The following TOP3A variants were observed in gnomAD, a reference collection of about 807,000 sequenced individuals.
TOP3A encodes the protein DNA topoisomerase III alpha.
Under a neutral mutation model 111.3 loss-of-function variants are expected in TOP3A, and 64 were observed. The ratio of observed to expected loss-of-function variants is 0.57; its 90% CI spans 0.47 to 0.71. The LOEUF (loss-of-function observed/expected upper bound fraction) is 0.71. Ranked by LOEUF, TOP3A falls within the 30% of genes least tolerant of loss-of-function variation. The probability of loss-of-function intolerance (pLI) is 0.00; values close to 1 mark genes in which losing one functional copy is unlikely to be tolerated. For missense variants in TOP3A, 1,104 were observed against 1,285.0 expected (o/e 0.86, Z 2.15); for synonymous variants, 484 against 485.1 (o/e 1.00, Z 0.03).
chr17:18,290,779 C>G (rs748524156), intron 12 of TOP3A, 63 bp downstream of exon 12: 6 of 1,594,304 alleles, frequency 3.8e-6, no homozygotes, highest in Non-Finnish European at 5.1e-6. Flanking sequence ...TCCTGCTCCA[C>G]TAGAGAACTC....
chr17:18,305,098 G>C lies in TOP3A; in HGVS notation c.499+14C>G. The C allele has an allele frequency of 6.2e-7, 1 of 1,603,540 alleles. No homozygotes were observed. Among genetic ancestry groups the C allele is most frequent in the Non-Finnish European group, 8.5e-7 (1 of 1,170,302 alleles). ...TCCAAAGTAGAGAAAGTCAGCAGCA[G>C]CAGCAGCACTTACCAGCCTTACACA... On this transcript the variant is annotated intron_variant, in intron 5 of 18. Coordinates refer to ENST00000321105, the MANE Select transcript of TOP3A (RefSeq NM_004618.5).
intron 1 of TOP3A, among the ~76,000 whole-genome samples, chr17:18,313,849 A>T (rs1248114188): frequency 1.3e-5 from 2 of 152,168 alleles, no homozygotes; most frequent in African/African-American, 4.8e-5. Flanking sequence ...ACTTCCACCC[A>T]TGCTCTTAGA....
In TOP3A at chr17:18,294,755, T is replaced by C; in HGVS notation, c.1021A>G (p.Arg341Gly). 6.2e-7 allele frequency: 1 copy of C among 1,614,118 alleles called. No homozygotes were observed. The highest frequency in any genetic ancestry group is 8.5e-7 in the Non-Finnish European group (1 of 1,179,966). The change falls in exon 10 of 19, where the codon AGA becomes GGA. Residue 341 changes from arginine (R) to glycine (G), a missense_variant. Arg to Gly is a moderately radical substitution (Grantham distance 125, BLOSUM62 -2). Transcript: ENST00000321105. ...ELEKLASRKL[R>G]INAKETMRIA... ...CTCATGGTTTCTTTAGCATTTATTCTCAACTTTCGAGAAGCCAGCTTCTCA... is the reference window on the plus strand; with the variant it reads ...CTCATGGTTTCTTTAGCATTTATTCCCAACTTTCGAGAAGCCAGCTTCTCA...
At chr17:18,282,566 C>A in intron 16 of TOP3A, 132 bp downstream of exon 16, 1 of 1,295,470 alleles carries the variant, frequency 7.7e-7, no homozygotes, top group South Asian at 1.3e-5. Flanking sequence ...AGGCCAACAC[C>A]TTGCCTGCAG....
Position 18,314,898 on chromosome 17 carries a change from A to T in TOP3A, c.-120T>A. On this transcript the variant is annotated 5_prime_UTR_variant, in exon 1 of 19. Coordinates refer to ENST00000321105, the MANE Select transcript of TOP3A (RefSeq NM_004618.5). ...AGAGCCTCGCTTCGGTCACGTCCCC[A>T]CCAGCCTGCTGGCCTTTGGAGCTTC... 1 of 448,970 alleles carries T rather than the reference A, an allele frequency of 2.2e-6. No individual in the cohort carries two copies. Among genetic ancestry groups the T allele is most frequent in the Middle Eastern group, 7.1e-4 (1 of 1,416 alleles). 27.8% of individuals were successfully genotyped at this position (448,970 alleles called of 1,614,324 possible). A position where few individuals can be genotyped will look rare whatever the true frequency, so the allele number is the denominator to read the frequency against.
intron 9 of TOP3A, among the ~76,000 whole-genome samples, chr17:18,296,709 C>T (rs1980830247): frequency 6.6e-6 from 1 of 152,200 alleles, no homozygotes; most frequent in African/African-American, 2.4e-5. Flanking sequence ...TGCTTCTTAG[C>T]CTCCATGCTT....
At position 18,314,693 on chromosome 17, in the gene TOP3A, G is replaced by A. The variant is rs758149454; in HGVS notation, c.86C>T (p.Ala29Val). The change falls in exon 1 of 19, where the codon GCC (alanine) becomes GTC (valine). Residue 29 changes from alanine to valine, a missense_variant. By Grantham distance (64) the Ala-to-Val change is moderately conservative (BLOSUM62 0). Transcript: ENST00000321105. The stretch of plus-strand genomic sequence containing the variant: ...GAGGACTTTCCGCACGCCTCGGAGG[G>A]CCATCTCCATGGCGGCGCGGGAAAA... ...RAFSRAAMEM[A>V]LRGVRKVLCV... 1.2e-6 allele frequency: 2 copies of A among 1,611,742 alleles called. No individual in the cohort carries two copies. Among genetic ancestry groups the A allele is most frequent in the South Asian group, 1.1e-5 (1 of 90,688 alleles).
At chr17:18,298,514 G>A (rs1222915547) in intron 9 of TOP3A, among the ~76,000 whole-genome samples, 3 of 150,090 alleles carry the variant, frequency 2.0e-5, no homozygotes, top group African/African-American at 7.5e-5. Flanking sequence ...TGGGAAGTGA[G>A]GATCCCCTCT....
intron 12 of TOP3A, 46 bp downstream of exon 12, chr17:18,290,796 C>G: frequency 1.2e-6 from 2 of 1,601,330 alleles, no homozygotes; most frequent in Non-Finnish European, 1.7e-6. Context: ...ACTCAGGGCT[C>G]ACAACACAAC....
chr17:18,303,414 G>A (rs753469580), intron 5 of TOP3A, among the ~76,000 whole-genome samples: 12 of 152,204 alleles, frequency 7.9e-5, no homozygotes, highest in Non-Finnish European at 1.6e-4. Context: ...TAGTGAAAGA[G>A]TAAGGCCTCT....
chr17:18,278,394 C>T, intron 17 of TOP3A, 37 bp from the exon 18 acceptor site: 1 of 1,490,986 alleles, frequency 6.7e-7, no homozygotes, highest in Non-Finnish European at 8.9e-7. Context: ...ACATTAACAA[C>T]CAGATGCCAG....
intron 18 of TOP3A, 66 bp from the exon 19 acceptor site, chr17:18,275,046 C>G: frequency 6.4e-7 from 1 of 1,556,254 alleles, no homozygotes; most frequent in Non-Finnish European, 8.7e-7. Flanking sequence ...GTCCTGAACA[C>G]GGTGGCTCAT....
rs771320959 is a variant in TOP3A at position 18,302,289 on chromosome 17, T to C, written c.789A>G (p.Val263=). ...VERFKAIQAF[V]PEIFHRIKVT... ...CTTTAATTCTGTGGAAGATTTCTGG[T>C]ACAAAAGCCTGAATGGCTTTGAACC... The change falls in exon 7 of 19, where the codon GTA becomes GTG. Residue 263 remains valine, a synonymous_variant. Coordinates refer to ENST00000321105, the MANE Select transcript of TOP3A (RefSeq NM_004618.5). 8.7e-6 allele frequency: 14 copies of C among 1,611,390 alleles called. No homozygotes were observed. The South Asian group carries it at 1.4e-4, about 16-fold the overall frequency.
At chr17:18,278,488 C>A in intron 17 of TOP3A, 131 bp from the exon 18 acceptor site, 1 of 717,628 alleles carries the variant, frequency 1.4e-6, no homozygotes, top group Non-Finnish European at 2.1e-6. Context: ...ACACAAGTCC[C>A]CTGTGAGGCC....
chr17:18,309,974 T>C (rs1296200985), intron 1 of TOP3A, among the ~76,000 whole-genome samples: 1 of 151,334 alleles, frequency 6.6e-6, no homozygotes, highest in Non-Finnish European at 1.5e-5. Context: ...CCTCCCAAAG[T>C]GCTGGGATTA....
chr17:18,282,772 T>G lies in TOP3A; in HGVS notation c.1947A>C (p.Pro649=). The G allele has an allele frequency of 8.1e-6, 13 of 1,614,196 alleles. No homozygotes were observed. The highest frequency in any genetic ancestry group is 1.1e-5 in the Non-Finnish European group (13 of 1,180,042). The change falls in exon 16 of 19, where the codon CCA becomes CCC. Residue 649 remains proline, a synonymous_variant. Coordinates refer to ENST00000321105, the MANE Select transcript of TOP3A (RefSeq NM_004618.5). ...ACTTCCTGATGGGCTCTGGCATGGC[T>G]GGGTAGATATCTTCTTGCTGGGCCA... The part of the protein sequence containing the change: ...TELAQQEDIY[P]AMPEPIRKCP...
At position 18,285,320 on chromosome 17, in the gene TOP3A, A is replaced by G; in HGVS notation, c.1712-13T>C. The stretch of plus-strand genomic sequence containing the variant: ...ATGGAATCATAACCTGCAGGGAGAG[A>G]GTCGAGCTCAGTGAGGGCCCACCTG... On this transcript the variant is annotated splice_polypyrimidine_tract_variant and intron_variant, in intron 14 of 18. Transcript: ENST00000321105. 1.9e-6 allele frequency: 3 copies of G among 1,613,712 alleles called. No homozygotes were observed. The highest frequency in any genetic ancestry group is 1.7e-6 in the Non-Finnish European group (2 of 1,179,782).
intron 8 of TOP3A, among the ~76,000 whole-genome samples, chr17:18,301,585 G>A (rs1323537645): frequency 6.6e-6 from 1 of 152,260 alleles, no homozygotes; most frequent in Non-Finnish European, 1.5e-5. Context: ...ATAAGTCAAT[G>A]ACCTGGACTG....
intron 2 of TOP3A, 112 bp from the exon 3 acceptor site, chr17:18,308,536 T>C (rs539563984): frequency 7.1e-6 from 5 of 704,780 alleles, no homozygotes; most frequent in Admixed American, 3.1e-5. Flanking sequence ...AAAAACCTGA[T>C]TGGGAAGAAA....
Sources: allele counts gnomAD v4.1 joint callset (sites outside exome capture counted in the v4.1 genomes callset), GRCh38; gene constraint gnomAD v4.1.1; transcripts MANE v1.5; gene names NCBI Gene and HGNC (gene_info 2026-07-23, HGNC 2026-07-21).